QTRT2: variants seen among roughly 807,000 people sequenced by gnomAD.
QTRT2 encodes the protein queuine tRNA-ribosyltransferase accessory subunit 2.
QTRT2 carries 32 observed loss-of-function variants against 44.8 expected under a neutral mutation model. The observed-to-expected ratio is 0.71, with a 90% CI of 0.54 to 0.96. The LOEUF (loss-of-function observed/expected upper bound fraction) is 0.96. QTRT2 is among the 40% of genes least tolerant of loss of function. The pLI, the probability that QTRT2 is intolerant of heterozygous loss-of-function variation, is 0.00. For synonymous variants in QTRT2, 182 were observed against 187.4 expected (o/e 0.97, Z 0.24); for missense variants, 461 against 503.1 (o/e 0.92, Z 0.80).
intron 7 of QTRT2, chr3:114,078,874 T>G (rs2077127271): frequency 1.3e-5 from 2 of 152,150 alleles, no homozygotes; most frequent in South Asian, 2.1e-4. Context: ...GAAACCACCA[T>G]CTTATTCCAC....
chr3:114,082,902 A>G, intron 9 of QTRT2, 108 bp downstream of exon 9: 1 of 650,396 alleles, frequency 1.5e-6, no homozygotes, highest in East Asian at 2.8e-5. Flanking sequence ...AAATATTAAT[A>G]GTTGGGTATT....
At chr3:114,061,218 A>G (rs1344726542) in intron 2 of QTRT2, among the ~76,000 whole-genome samples, 1 of 152,130 alleles carries the variant, frequency 6.6e-6, no homozygotes, top group Admixed American at 6.5e-5. Context: ...ATTTGGCTTC[A>G]TGTATTGCAT....
rs1577535799 is a variant in QTRT2 at position 114,075,418 on chromosome 3, A to G, written c.547-1325A>G. Among the ~76,000 whole-genome samples, 6 of 150,720 alleles carry G rather than the reference A, an allele frequency of 4.0e-5. No homozygotes were observed. In the South Asian group the frequency reaches 1.3e-3, roughly 32 times the overall value. On this transcript the variant is annotated intron_variant, in intron 6 of 9. Transcript: ENST00000281273. Reference sequence around the variant, plus strand: ...TAGAGTATTGGTTGGAGCTCATTTTATGCTGTAGATATTTAAATATTCCTC... The same window carrying G: ...TAGAGTATTGGTTGGAGCTCATTTTGTGCTGTAGATATTTAAATATTCCTC...
At position 114,060,532 on chromosome 3, in the gene QTRT2, A is replaced by ATAGAT. The variant is rs2076870470; in HGVS notation, c.-22+3427_-22+3431dup. Among the ~76,000 whole-genome samples the ATAGAT allele has an allele frequency of 2.6e-5, 3 of 114,318 alleles. No homozygotes were observed. In the South Asian group the frequency reaches 9.2e-4, roughly 35 times the overall value. 75.0% of individuals were successfully genotyped at this position (114,318 alleles called of 152,430 possible). ...GATAGATAGATAGATAGATAGATAG[A>ATAGAT]TAGATAGATAGATAAGATAGATTAG... On this transcript the variant is annotated intron_variant, in intron 2 of 9. Transcript: ENST00000281273.
intron 4 of QTRT2, among the ~76,000 whole-genome samples, chr3:114,067,442 GT>G (rs1164521835): frequency 6.6e-6 from 1 of 152,016 alleles, no homozygotes; most frequent in East Asian, 1.9e-4. Context: ...AAAAATGATT[GT>G]CTTTTTGACT....
chr3:114,071,426 A>G (rs551235966), intron 6 of QTRT2, among the ~76,000 whole-genome samples: 1 of 151,944 alleles, frequency 6.6e-6, no homozygotes, highest in Non-Finnish European at 1.5e-5. Flanking sequence ...AGCCTCCCGT[A>G]TAGCTGATAT....
At chr3:114,072,439 CT>C (rs2077036645) in intron 6 of QTRT2, among the ~76,000 whole-genome samples, 1 of 152,236 alleles carries the variant, frequency 6.6e-6, no homozygotes, top group African/African-American at 2.4e-5. Flanking sequence ...TTCTGTAGAA[CT>C]GGTTCCTGAT....
intron 2 of QTRT2, 85 bp from the exon 3 acceptor site, chr3:114,065,152 T>G: frequency 2.3e-6 from 2 of 851,326 alleles, no homozygotes; most frequent in Non-Finnish European, 3.8e-6. Flanking sequence ...TCATTCATTT[T>G]CCTGAAGATT....
At chr3:114,075,145 T>A (rs1277089607) in intron 6 of QTRT2, among the ~76,000 whole-genome samples, 2 of 152,232 alleles carry the variant, frequency 1.3e-5, no homozygotes, top group Non-Finnish European at 2.9e-5. Flanking sequence ...TGATTTTTAC[T>A]CTGTGTTTAT....
chr3:114,086,329 G>C lies in QTRT2; in HGVS notation c.*425G>C. On this transcript the variant is annotated 3_prime_UTR_variant, in exon 10 of 10. Coordinates refer to ENST00000281273, the MANE Select transcript of QTRT2 (RefSeq NM_024638.4). ...GTTGATTTGAGAAGAAATCTGGCTG[G>C]TTTGAGGGTTTCCTTTAGTTCACCC... The C allele has an allele frequency of 5.1e-6, 1 of 196,108 alleles. No homozygotes were observed. The highest frequency in any genetic ancestry group is 1.1e-5 in the Non-Finnish European group (1 of 93,340). 12.1% of individuals were successfully genotyped at this position (196,108 alleles called of 1,614,324 possible). A position where few individuals can be genotyped will look rare whatever the true frequency, so the allele number is the denominator to read the frequency against.
intron 6 of QTRT2, among the ~76,000 whole-genome samples, chr3:114,072,112 C>T (rs1355697833): frequency 6.6e-6 from 1 of 152,156 alleles, no homozygotes; most frequent in African/African-American, 2.4e-5. Flanking sequence ...TCTTTTGTTT[C>T]CACATGAGGC....
At chr3:114,072,179 C>T (rs1193667285) in intron 6 of QTRT2, among the ~76,000 whole-genome samples, 1 of 151,858 alleles carries the variant, frequency 6.6e-6, no homozygotes, top group Non-Finnish European at 1.5e-5. Context: ...GACAGTCTCA[C>T]TCTATTGCTC....
Position 114,065,136 on chromosome 3 carries a change from A to G in QTRT2, c.-21-101A>G. ...ATTTAGACTGGAAGCAGTAATAAGC[A>G]TGCTATCATTCATTTTCCTGAAGAT... On this transcript the variant is annotated intron_variant, in intron 2 of 9. Coordinates refer to ENST00000281273, the MANE Select transcript of QTRT2 (RefSeq NM_024638.4). The G allele has an allele frequency of 9.6e-6, 7 of 731,684 alleles. No individual in the cohort carries two copies. The Middle Eastern group carries it at 8.1e-4, about 85-fold the overall frequency. 45.3% of individuals were successfully genotyped at this position (731,684 alleles called of 1,614,324 possible). A position where few individuals can be genotyped will look rare whatever the true frequency, so the allele number is the denominator to read the frequency against.
In QTRT2 at chr3:114,076,612, TC is replaced by T. The variant is rs1366488193; in HGVS notation, c.547-127del. On this transcript the variant is annotated intron_variant, in intron 6 of 9. Coordinates refer to ENST00000281273, the MANE Select transcript of QTRT2 (RefSeq NM_024638.4). Reference sequence around the variant, plus strand: ...GGTTCTTAGGGAGGAGGGAGCACCATCCCCTTTAATGCTTCAACTACAGCAG... The same window carrying T: ...GGTTCTTAGGGAGGAGGGAGCACCATCCCTTTAATGCTTCAACTACAGCAG... 2.0e-4 allele frequency: 151 copies of T among 746,456 alleles called. 1 individual carries two copies. The highest frequency in any genetic ancestry group is 2.2e-4 in the Non-Finnish European group (97 of 443,942). The allele number at this position is 746,456 out of a possible 1,614,324, so 46.2% of individuals were successfully genotyped here.
rs1197245273 is a variant in QTRT2, at chr3:114,056,758, C to T, written c.-236C>T. 14 of 1,456,698 alleles carry T rather than the reference C, an allele frequency of 9.6e-6. No homozygotes were observed. The highest frequency in any genetic ancestry group is 1.8e-6 in the Non-Finnish European group (2 of 1,084,068). The allele number at this position is 1,456,698 out of a possible 1,614,324, so 90.2% of individuals were successfully genotyped here. On this transcript the variant is annotated 5_prime_UTR_variant, in exon 1 of 10. Transcript: ENST00000281273. ...ACGCAGTACTCCCTGATTGGCTCTGCACTGGAGGCAGTGATTTTGGGGCAG... is the reference window on the plus strand; with the variant it reads ...ACGCAGTACTCCCTGATTGGCTCTGTACTGGAGGCAGTGATTTTGGGGCAG...
At chr3:114,061,448 G>A (rs570967131) in intron 2 of QTRT2, among the ~76,000 whole-genome samples, 4 of 152,198 alleles carry the variant, frequency 2.6e-5, no homozygotes, top group Non-Finnish European at 4.4e-5. Flanking sequence ...CCTCCAAGCA[G>A]TACAAGACTG....
intron 2 of QTRT2, among the ~76,000 whole-genome samples, chr3:114,063,228 C>T (rs1020257984): frequency 1.3e-5 from 2 of 152,112 alleles, no homozygotes; most frequent in African/African-American, 4.8e-5. Flanking sequence ...TGTGCTTCCC[C>T]CTGCTTCAAT....
In QTRT2 at chr3:114,063,936, C is replaced by T. The variant is rs936473149; in HGVS notation, c.-21-1301C>T. ...AATGCTTAAGAAAATGGGATCTGGCCGGGCACAGTGGCTCATGCTTGTTAC... is the reference window on the plus strand; with the variant it reads ...AATGCTTAAGAAAATGGGATCTGGCTGGGCACAGTGGCTCATGCTTGTTAC... On this transcript the variant is annotated intron_variant, in intron 2 of 9. Coordinates refer to ENST00000281273, the MANE Select transcript of QTRT2 (RefSeq NM_024638.4). Among the ~76,000 whole-genome samples the T allele has an allele frequency of 9.9e-5, 15 of 152,046 alleles. 1 individual carries two copies. Among genetic ancestry groups the T allele is most frequent in the South Asian group, 8.3e-4 (4 of 4,826 alleles).
Position 114,076,871 on chromosome 3 carries a change from T to C in QTRT2, c.675T>C (p.Asn225=). The part of the protein sequence containing the change: ...GGFLLDGFQG[N]PTTLEARLRL... ...TCCTTCTGGATGGTTTTCAAGGAAA[T>C]CCAACAACCCTGGAGGCTAGACTAC... Residue 225 remains asparagine, a synonymous_variant, in exon 7 of 10, where the codon AAT becomes AAC. Coordinates refer to ENST00000281273, the MANE Select transcript of QTRT2 (RefSeq NM_024638.4). 4 of 1,614,132 alleles carry C rather than the reference T, an allele frequency of 2.5e-6. No individual in the cohort carries two copies. Among genetic ancestry groups the C allele is most frequent in the Non-Finnish European group, 3.4e-6 (4 of 1,180,018 alleles).
Sources: gnomAD v4.1 joint callset for allele counts (sites outside exome capture counted in the v4.1 genomes callset) on GRCh38, gnomAD v4.1.1 for gene constraint, MANE v1.5 for transcripts, NCBI Gene and HGNC (gene_info 2026-07-23, HGNC 2026-07-21) for gene names.